PPM1L: variants seen among roughly 807,000 people sequenced by gnomAD.
The protein encoded by PPM1L is protein phosphatase, Mg2+/Mn2+ dependent 1L.
A neutral mutation model predicts 31.4 loss-of-function variants in PPM1L; 13 were observed. The ratio of observed to expected loss-of-function variants is 0.41; its 90% CI spans 0.27 to 0.66. The LOEUF is 0.66. PPM1L is among the 30% of genes least tolerant of loss of function. PPM1L has a pLI of 0.29. For synonymous variants in PPM1L, 184 were observed against 175.4 expected (o/e 1.05, Z -0.39); for missense variants, 326 against 453.7 (o/e 0.72, Z 2.56).
chr3:160,994,465 C>T (rs1576768532), intron 2 of PPM1L, among the ~76,000 whole-genome samples: 3 of 152,310 alleles, frequency 2.0e-5, no homozygotes, highest in East Asian at 1.9e-4. Flanking sequence ...CCTGGGGCCT[C>T]GATCCCCTGT....
At chr3:160,802,432 C>T (rs1712458633) in intron 1 of PPM1L, among the ~76,000 whole-genome samples, 1 of 152,154 alleles carries the variant, frequency 6.6e-6, no homozygotes, top group Non-Finnish European at 1.5e-5. Context: ...TGCAAGTGAG[C>T]AATTTACTCT....
intron 1 of PPM1L, among the ~76,000 whole-genome samples, chr3:160,874,073 T>A (rs1474362986): frequency 1.3e-5 from 2 of 152,184 alleles, no homozygotes; most frequent in African/African-American, 4.8e-5. Flanking sequence ...TGGCATGAAT[T>A]CTTTGTTATG....
intron 1 of PPM1L, among the ~76,000 whole-genome samples, chr3:160,956,829 A>G (rs1171050350): frequency 1.3e-5 from 2 of 152,248 alleles, no homozygotes; most frequent in African/African-American, 4.8e-5. Flanking sequence ...TGTATGCAAG[A>G]AAGAATTAGG....
chr3:161,040,301 A>G (rs1718871980), intron 2 of PPM1L, among the ~76,000 whole-genome samples: 1 of 152,164 alleles, frequency 6.6e-6, no homozygotes, highest in African/African-American at 2.4e-5. Context: ...TTCTGGTCTC[A>G]GAGATTTAAT....
intron 1 of PPM1L, among the ~76,000 whole-genome samples, chr3:160,819,591 T>G (rs544205725): frequency 6.6e-6 from 1 of 152,172 alleles, no homozygotes; most frequent in Admixed American, 6.6e-5. Context: ...CTAAGTGGTG[T>G]TATAGGGTAT....
At chr3:160,927,908 G>A (rs983953845) in intron 1 of PPM1L, among the ~76,000 whole-genome samples, 1 of 152,228 alleles carries the variant, frequency 6.6e-6, no homozygotes, top group Admixed American at 6.5e-5. Flanking sequence ...CAGTAAATGT[G>A]TATTGAATGA....
chr3:160,992,168 C>T (rs1184468616), intron 2 of PPM1L, among the ~76,000 whole-genome samples: 1 of 152,166 alleles, frequency 6.6e-6, no homozygotes, highest in Non-Finnish European at 1.5e-5. Context: ...TAAGAAATAA[C>T]AAGGCTTAGT....
chr3:160,857,099 T>G (rs1420210725), intron 1 of PPM1L, among the ~76,000 whole-genome samples: 1 of 152,156 alleles, frequency 6.6e-6, no homozygotes, highest in Non-Finnish European at 1.5e-5. Flanking sequence ...AAGAAAGAAG[T>G]TAATATTCTT....
chr3:160,839,593 G>A (rs113755420), intron 1 of PPM1L, among the ~76,000 whole-genome samples: 4,854 of 152,246 alleles, frequency 0.032, 240 homozygotes, highest in African/African-American at 0.11. Flanking sequence ...ATATGATTTG[G>A]CTTCCCAACT....
At chr3:160,890,828 A>G (rs1192731410) in intron 1 of PPM1L, among the ~76,000 whole-genome samples, 1 of 152,200 alleles carries the variant, frequency 6.6e-6, no homozygotes, top group Non-Finnish European at 1.5e-5. Context: ...CCACACATCT[A>G]CAACCATCTG....
intron 1 of PPM1L, among the ~76,000 whole-genome samples, chr3:160,837,384 A>C (rs935318956): frequency 5.3e-5 from 8 of 152,248 alleles, no homozygotes; most frequent in African/African-American, 1.9e-4. Flanking sequence ...TAGAATGGAA[A>C]CATGAGTTTG....
rs755754043 is a variant in PPM1L at position 160,756,746 on chromosome 3, A to G, written c.399+39A>G. On this transcript the variant is annotated intron_variant, in intron 1 of 3. Coordinates refer to ENST00000498165, the MANE Select transcript of PPM1L (RefSeq NM_139245.4). The surrounding 1 kb of genome is among the most constrained non-coding windows in gnomAD (Gnocchi z 6.2). ...CGGGGCTTTGTATTTGTGTCCGTGT[A>G]TGTCTCGTGTGTGTGTGTGTGTGTG... is the stretch of plus-strand genomic sequence containing the variant. The G allele has an allele frequency of 9.3e-5, 123 of 1,326,912 alleles. No homozygotes were observed. In the African/African-American group the frequency reaches 1.8e-3, roughly 20 times the overall value. 82.2% of individuals were successfully genotyped at this position (1,326,912 alleles called of 1,614,324 possible).
At chr3:160,839,105 T>A (rs1713796191) in intron 1 of PPM1L, among the ~76,000 whole-genome samples, 1 of 152,226 alleles carries the variant, frequency 6.6e-6, no homozygotes, top group African/African-American at 2.4e-5. Context: ...CCTCACCAGA[T>A]GCTGGTGCTA....
intron 1 of PPM1L, among the ~76,000 whole-genome samples, 185 bp from the exon 2 acceptor site, chr3:160,961,551 A>C (rs1391071248): frequency 2.0e-5 from 3 of 152,204 alleles, no homozygotes; most frequent in African/African-American, 7.2e-5. Flanking sequence ...GAGGTCTGTG[A>C]TTCTATTTGA....
intron 1 of PPM1L, among the ~76,000 whole-genome samples, chr3:160,770,142 C>G (rs1715212523): frequency 6.6e-6 from 1 of 151,948 alleles, no homozygotes; most frequent in Admixed American, 6.6e-5. Context: ...TTCATTCTCT[C>G]TCTACTTTCT....
intron 2 of PPM1L, among the ~76,000 whole-genome samples, chr3:161,004,517 G>C (rs5962970): frequency 0.3 from 39,064 of 130,016 alleles, 5,744 homozygotes; most frequent in East Asian, 0.59. Context: ...ACAATTTCAG[G>C]TCCTGTTATT....
chr3:160,814,727 GTATATATGTA>G (rs1372344011), intron 1 of PPM1L, among the ~76,000 whole-genome samples: 2 of 146,788 alleles, frequency 1.4e-5, no homozygotes, highest in South Asian at 4.3e-4. Flanking sequence ...ATGTATACGT[GTATATATGTA>G]TATATGTGTA....
intron 2 of PPM1L, among the ~76,000 whole-genome samples, chr3:160,987,670 C>T (rs1432498954): frequency 6.6e-6 from 1 of 152,190 alleles, no homozygotes; most frequent in African/African-American, 2.4e-5. Flanking sequence ...GAAGGGCTCT[C>T]AAGTTTGAAG....
chr3:160,756,302 A>T lies in PPM1L; in HGVS notation c.-7A>T. On this transcript the variant is annotated 5_prime_UTR_variant, in exon 1 of 4. Transcript: ENST00000498165. This position sits in a 1 kb window ranked among gnomAD's most constrained non-coding sequence, Gnocchi z 6.2. ...GCTGGTGGTGGTTGAGGCTCTAGCG[A>T]TAATAAATGATAGAGGATACAATGA... 6.2e-7 allele frequency: 1 copy of T among 1,601,532 alleles called. No homozygotes were observed. Among genetic ancestry groups the T allele is most frequent in the Non-Finnish European group, 8.5e-7 (1 of 1,170,986 alleles).
Sources: gnomAD v4.1 joint callset for allele counts (sites outside exome capture counted in the v4.1 genomes callset) on GRCh38, gnomAD v4.1.1 for gene constraint, Gnocchi (gnomAD v3.1) non-coding constraint, MANE v1.5 for transcripts, NCBI Gene and HGNC (gene_info 2026-07-23, HGNC 2026-07-21) for gene names.